The following ZBTB7C variants were observed in gnomAD, a reference collection of about 807,000 sequenced individuals.
ZBTB7C encodes the protein zinc finger and BTB domain containing 7C.
ZBTB7C carries 8 observed loss-of-function variants against 25.7 expected under a neutral mutation model. That is an observed-to-expected ratio of 0.31 (90% CI 0.18 to 0.56). The LOEUF (loss-of-function observed/expected upper bound fraction) is 0.56. ZBTB7C is among the 20% of genes least tolerant of loss of function. The pLI is 0.91. For synonymous variants in ZBTB7C, 394 were observed against 369.0 expected (o/e 1.07, Z -0.78); for missense variants, 824 against 855.2 (o/e 0.96, Z 0.46).
At position 48,281,367 on chromosome 18, in the gene ZBTB7C, A is replaced by G. The variant is rs1236451731; in HGVS notation, c.-79+56807T>C. Among the ~76,000 whole-genome samples the G allele has an allele frequency of 1.1e-4, 17 of 152,194 alleles. No individual in the cohort carries two copies. The East Asian group carries it at 2.9e-3, about 26-fold the overall frequency. On this transcript the variant is annotated intron_variant, in intron 2 of 4. Transcript: ENST00000590800. ...AAAACCATAAAAACCCTAGAAGAAA[A>G]CCTAGGCATTACCATTCAGGACATA...
chr18:48,312,116 A>T lies in ZBTB7C; in HGVS notation c.-79+26058T>A, dbSNP rs938213107. The stretch of plus-strand genomic sequence containing the variant: ...TGTAGCCTGTCCCTGCTCAGGGCAC[A>T]TGAAAGGAGGTCTCAGGCAGTGCCC... On this transcript the variant is annotated intron_variant, in intron 2 of 4. Coordinates refer to ENST00000590800, the MANE Select transcript of ZBTB7C (RefSeq NM_001318841.2). 2.8e-4 allele frequency among the ~76,000 whole-genome samples: 43 copies of T among 152,216 alleles called. 1 individual carries two copies. The highest frequency in any genetic ancestry group is 2.7e-3 in the Admixed American group (42 of 15,284).
rs71165321 is a variant in ZBTB7C, at chr18:48,367,175, T to TTATATATATATATATATA, written c.-303-28795_-303-28778dup. Among the ~76,000 whole-genome samples the TTATATATATATATATATA allele has an allele frequency of 2.9e-3, 181 of 62,078 alleles. 2 individuals are homozygous for TTATATATATATATATATA. Among genetic ancestry groups the TTATATATATATATATATA allele is most frequent in the African/African-American group, 4.7e-3 (63 of 13,316 alleles). The allele number at this position is 62,078 out of a possible 152,430, so 40.7% of individuals were successfully genotyped here. A position where few individuals can be genotyped will look rare whatever the true frequency, so the allele number is the denominator to read the frequency against. ...TTTCCCCTGTTCTTCTCCCCAAGTTTTATATATATATATATATATATATAT... is the reference window on the plus strand; with the variant it reads ...TTTCCCCTGTTCTTCTCCCCAAGTTTTATATATATATATATATATATATATATATATATATATATATAT... On this transcript the variant is annotated intron_variant, in intron 1 of 4. Transcript: ENST00000590800.
At chr18:48,410,853 G>C (rs189937571), upstream of ZBTB7C, 44 of 152,338 alleles carry the variant, frequency 2.9e-4, no homozygotes, top group African/African-American at 1.0e-3. Flanking sequence ...TATCTGAGGC[G>C]CACCTGGCGC....
chr18:48,368,026 A>G (rs760554142), intron 1 of ZBTB7C, among the ~76,000 whole-genome samples: 2 of 152,022 alleles, frequency 1.3e-5, no homozygotes, highest in Non-Finnish European at 2.9e-5. Flanking sequence ...AAAACACAAT[A>G]CCAAAAATCT....
chr18:48,261,038 T>A (rs939703719), intron 2 of ZBTB7C, among the ~76,000 whole-genome samples: 1 of 152,206 alleles, frequency 6.6e-6, no homozygotes, highest in African/African-American at 2.4e-5. Flanking sequence ...AAGAATTCAA[T>A]AGCAGCCACT....
intron 2 of ZBTB7C, among the ~76,000 whole-genome samples, chr18:48,241,115 T>C (rs1414741148): frequency 6.6e-6 from 1 of 151,984 alleles, no homozygotes; most frequent in Non-Finnish European, 1.5e-5. Context: ...AAGGACAAGA[T>C]ATAATGATAA....
chr18:48,216,674 C>T (rs2145272121), intron 2 of ZBTB7C, among the ~76,000 whole-genome samples: 1 of 152,210 alleles, frequency 6.6e-6, no homozygotes, highest in South Asian at 2.1e-4. Context: ...CAGCAGTCAT[C>T]CTAAAACCCC....
chr18:48,151,322 TAGG>T (rs779638614), intron 3 of ZBTB7C, among the ~76,000 whole-genome samples: 3 of 152,152 alleles, frequency 2.0e-5, no homozygotes, highest in Non-Finnish European at 4.4e-5. Flanking sequence ...TAGCTAACAT[TAGG>T]ATGAGCATCC....
At chr18:48,359,445 A>G (rs9966537) in intron 1 of ZBTB7C, among the ~76,000 whole-genome samples, 62,990 of 152,134 alleles carry the variant, frequency 0.41, 14,493 homozygotes, top group East Asian at 0.74. Context: ...AATATAAAAT[A>G]TAACAAAGTT....
At chr18:48,222,260 C>T (rs7236122) in intron 2 of ZBTB7C, among the ~76,000 whole-genome samples, 4,753 of 152,256 alleles carry the variant, frequency 0.031, 85 homozygotes, top group African/African-American at 0.04. Flanking sequence ...CCTGTGAACC[C>T]GGATACTGCG....
intron 1 of ZBTB7C, among the ~76,000 whole-genome samples, chr18:48,372,826 C>T (rs2047419261): frequency 6.6e-6 from 1 of 152,100 alleles, no homozygotes; most frequent in African/African-American, 2.4e-5. Flanking sequence ...CTGAGAGGTC[C>T]CGTCTACATA....
chr18:48,147,046 CTGA>C, intron 3 of ZBTB7C, among the ~76,000 whole-genome samples: 1 of 152,304 alleles, frequency 6.6e-6, no homozygotes, highest in South Asian at 2.1e-4. Context: ...GTACAGGCTT[CTGA>C]TGGAGTTGCT....
At chr18:48,120,117 T>G (rs187819878) in intron 3 of ZBTB7C, among the ~76,000 whole-genome samples, 2 of 152,158 alleles carry the variant, frequency 1.3e-5, no homozygotes, top group African/African-American at 4.8e-5. Context: ...TAGCAAGACC[T>G]TGGGCCACAG....
chr18:48,404,691 T>G (rs1309314859), intron 1 of ZBTB7C, among the ~76,000 whole-genome samples: 1 of 152,210 alleles, frequency 6.6e-6, no homozygotes, highest in South Asian at 2.1e-4. Context: ...CATCTCTTTT[T>G]ATCTACTTCT....
intron 2 of ZBTB7C, among the ~76,000 whole-genome samples, chr18:48,282,299 T>C (rs1238462843): frequency 3.9e-5 from 4 of 102,438 alleles, no homozygotes; most frequent in Admixed American, 1.4e-4. Context: ...CATCACACTC[T>C]GGGGCCTGTT....
At chr18:48,236,733 A>G (rs1012408636) in intron 2 of ZBTB7C, among the ~76,000 whole-genome samples, 1 of 152,214 alleles carries the variant, frequency 6.6e-6, no homozygotes, top group Non-Finnish European at 1.5e-5. Context: ...AGATCAGACT[A>G]TAAAGGTGTT....
chr18:48,282,024 C>T (rs1457644293), intron 2 of ZBTB7C, among the ~76,000 whole-genome samples: 9 of 147,542 alleles, frequency 6.1e-5, no homozygotes, highest in South Asian at 4.4e-4. Flanking sequence ...ATGTTTATTG[C>T]GGCATTATTC....
chr18:48,068,393 C>A (rs370308392), intron 3 of ZBTB7C, among the ~76,000 whole-genome samples: 3 of 152,112 alleles, frequency 2.0e-5, no homozygotes, highest in Non-Finnish European at 4.4e-5. Context: ...CCCGCCTTGG[C>A]CTCCCAAAGT....
In ZBTB7C at chr18:48,354,543, C is replaced by T. The variant is rs73957641; in HGVS notation, c.-303-16145G>A. ...CAGATGTACTTTTCACATCACCATC[C>T]CCAAATATGCCTTAAGGGGCATCAA... On this transcript the variant is annotated intron_variant, in intron 1 of 4. Coordinates refer to ENST00000590800, the MANE Select transcript of ZBTB7C (RefSeq NM_001318841.2). Among the ~76,000 whole-genome samples, 942 of 152,222 alleles carry T rather than the reference C, an allele frequency of 6.2e-3. 6 individuals carry two copies. The highest frequency in any genetic ancestry group is 0.021 in the African/African-American group (862 of 41,534).
Sources: gnomAD v4.1 joint callset for allele counts (sites outside exome capture counted in the v4.1 genomes callset) on GRCh38, gnomAD v4.1.1 for gene constraint, MANE v1.5 for transcripts, NCBI Gene and HGNC (gene_info 2026-07-23, HGNC 2026-07-21) for gene names.